The following SOHLH2 variants were observed in gnomAD, a reference collection of about 807,000 sequenced individuals.
The protein encoded by SOHLH2 is spermatogenesis and oogenesis specific basic helix-loop-helix 2, also known as spermatogenesis- and oogenesis-specific basic helix-loop-helix-containing protein 2.
In SOHLH2, 22 loss-of-function variants were observed where a neutral mutation model predicts 50.4. That is an observed-to-expected ratio of 0.44 (90% CI 0.31 to 0.62). The LOEUF (loss-of-function observed/expected upper bound fraction) is 0.62. Among genes scored for constraint, SOHLH2 ranks in the 20% least tolerant of loss-of-function variants. SOHLH2 has a pLI of 0.08. For synonymous variants in SOHLH2, 185 were observed against 187.3 expected, an observed-to-expected ratio of 0.99 and a Z score of 0.10; for missense variants, 412 against 504.4, an observed-to-expected ratio of 0.82 and a Z score of 1.76.
rs535101816 is a variant in SOHLH2 at position 36,168,846 on chromosome 13, G to T, written c.*188C>A. On this transcript the variant is annotated 3_prime_UTR_variant, in exon 11 of 11. Transcript: ENST00000379881. ...GAAGATGAGTGACAGTGTGTGGCCA[G>T]CTTTTTCGCTGCTGGTCTTTCTATC... 8.5e-5 allele frequency: 83 copies of T among 980,560 alleles called. No homozygotes were observed. The South Asian group carries it at 2.1e-3, about 24-fold the overall frequency. The allele number at this position is 980,560 out of a possible 1,614,324, so 60.7% of individuals were successfully genotyped here. A position where few individuals can be genotyped will look rare whatever the true frequency, so the allele number is the denominator to read the frequency against.
intron 6 of SOHLH2, among the ~76,000 whole-genome samples, chr13:36,185,988 TTA>T (rs1170872946): frequency 7.9e-5 from 12 of 152,232 alleles, no homozygotes; most frequent in African/African-American, 2.7e-4. Flanking sequence ...CCATTTCATT[TTA>T]TATGACCAGT....
chr13:36,184,040 C>A (rs79033537), intron 6 of SOHLH2, among the ~76,000 whole-genome samples: 1 of 152,072 alleles, frequency 6.6e-6, no homozygotes, highest in South Asian at 2.1e-4. Context: ...TACTACACCC[C>A]CCAAACAGAA....
intron 2 of SOHLH2, among the ~76,000 whole-genome samples, chr13:36,199,634 T>A (rs1405580601): frequency 6.6e-6 from 1 of 152,264 alleles, no homozygotes; most frequent in Non-Finnish European, 1.5e-5. Context: ...TACCTTCATC[T>A]ACTTTCTTTT....
chr13:36,191,239 G>A (rs566209907), intron 5 of SOHLH2, among the ~76,000 whole-genome samples: 1 of 152,130 alleles, frequency 6.6e-6, no homozygotes, highest in Non-Finnish European at 1.5e-5. Flanking sequence ...AACACAAGGA[G>A]ACACAGAGAC....
In SOHLH2 at chr13:36,191,237, G is replaced by C. The variant is rs547744981; in HGVS notation, c.530+558C>G. Reference sequence around the variant, plus strand: ...AGAGAGAGAGACAGAGAAACACAAGGAGACACAGAGACACACACTAAAACT... The same window carrying C: ...AGAGAGAGAGACAGAGAAACACAAGCAGACACAGAGACACACACTAAAACT... On this transcript the variant is annotated intron_variant, in intron 5 of 10. Transcript: ENST00000379881. 1.4e-3 allele frequency among the ~76,000 whole-genome samples: 208 copies of C among 152,200 alleles called. 1 individual carries two copies. The highest frequency in any genetic ancestry group is 4.6e-3 in the African/African-American group (193 of 41,522).
At chr13:36,203,082 T>A (rs770152083) in intron 1 of SOHLH2, among the ~76,000 whole-genome samples, 31 of 152,232 alleles carry the variant, frequency 2.0e-4, no homozygotes, top group African/African-American at 6.5e-4. Flanking sequence ...TCCTTTTTTT[T>A]ATAAAATAGT....
At chr13:36,197,495 C>A (rs1330095631) in intron 2 of SOHLH2, among the ~76,000 whole-genome samples, 2 of 152,156 alleles carry the variant, frequency 1.3e-5, no homozygotes, top group Admixed American at 6.5e-5. Context: ...AATCTATCAT[C>A]TAAGAGGGCC....
intron 2 of SOHLH2, among the ~76,000 whole-genome samples, chr13:36,198,439 T>A (rs933953717): frequency 6.6e-6 from 1 of 152,196 alleles, no homozygotes. Flanking sequence ...ATTCTGGAGC[T>A]AAGCATACGA....
intron 6 of SOHLH2, chr13:36,182,802 T>G (rs1887294198): frequency 6.6e-6 from 1 of 152,254 alleles, no homozygotes; most frequent in Non-Finnish European, 1.5e-5. Context: ...TTCAGAGTAA[T>G]CTGTTGTACA....
In SOHLH2 at chr13:36,170,603, C is replaced by T. The variant is rs376469701; in HGVS notation, c.1185G>A (p.Pro395=). The change falls in exon 10 of 11, where the codon CCG becomes CCA. Residue 395 remains proline, a synonymous_variant. Coordinates refer to ENST00000379881, the MANE Select transcript of SOHLH2 (RefSeq NM_017826.3). ...ISIHLPSAMP[P]VSKLLPRHCT... is the part of the protein sequence containing the mutation. ...AGTGCCGAGGGAGAAGCTTTGAGAC[C>T]GGGGGCATGGCTGAAGGTAAATGAA... is the stretch of plus-strand genomic sequence containing the variant. The T allele has an allele frequency of 1.7e-5, 27 of 1,613,970 alleles. No homozygotes were observed. The highest frequency in any genetic ancestry group is 1.6e-4 in the Middle Eastern group (1 of 6,080).
intron 2 of SOHLH2, among the ~76,000 whole-genome samples, chr13:36,196,860 C>T (rs1174121638): frequency 6.6e-6 from 1 of 152,100 alleles, no homozygotes; most frequent in Non-Finnish European, 1.5e-5. Context: ...ACACACACTC[C>T]CCCTGCTATA....
In SOHLH2 at chr13:36,202,058, A is replaced by C. The variant is rs751802685; in HGVS notation, c.84T>G (p.Thr28=). 6.2e-7 allele frequency: 1 copy of C among 1,614,262 alleles called. No homozygotes were observed. ...KIDILLVGDV[T]VGYLADTVQK... ...GTACAGTATCAGCCAGGTAGCCCACAGTGACATCTCCAACTAATAAGATGT... is the reference window on the plus strand; with the variant it reads ...GTACAGTATCAGCCAGGTAGCCCACCGTGACATCTCCAACTAATAAGATGT... Residue 28 remains threonine, a synonymous_variant, in exon 2 of 11, where the codon ACT becomes ACG. Transcript: ENST00000379881.
chr13:36,210,760 A>G (rs1194363408), intron 1 of SOHLH2, among the ~76,000 whole-genome samples: 1 of 152,164 alleles, frequency 6.6e-6, no homozygotes. Flanking sequence ...AACCTACTTC[A>G]AACTTATTTC....
At chr13:36,180,017 C>G (rs1451383251) in intron 6 of SOHLH2, among the ~76,000 whole-genome samples, 1 of 152,070 alleles carries the variant, frequency 6.6e-6, no homozygotes, top group African/African-American at 2.4e-5. Context: ...ATTGGTAAAA[C>G]CACCTGAGTG....
rs573797228 is a variant in SOHLH2 at position 36,205,873 on chromosome 13, T to A, written c.49-3780A>T. On this transcript the variant is annotated intron_variant, in intron 1 of 10. Transcript: ENST00000379881. ...TGGATCTTACATTTCATTTTATAGT[T>A]CCTTATTGATTAATGGTAAATTGAA... is the stretch of plus-strand genomic sequence containing the variant. Among the ~76,000 whole-genome samples the A allele has an allele frequency of 1.5e-4, 23 of 152,178 alleles. No individual in the cohort carries two copies. In the South Asian group the frequency reaches 4.6e-3, roughly 30 times the overall value.
rs904564190 is a variant in SOHLH2 at position 36,214,530 on chromosome 13, C to G, written c.-4G>C. ...GGCAGATAATTGAGGAAGCCATGGC[C>G]GCTGCGCACGTGCTGGGTCCTGGGG... is the stretch of plus-strand genomic sequence containing the variant. On this transcript the variant is annotated 5_prime_UTR_variant, in exon 1 of 11. Coordinates refer to ENST00000379881, the MANE Select transcript of SOHLH2 (RefSeq NM_017826.3). 1 of 1,611,050 alleles carries G rather than the reference C, an allele frequency of 6.2e-7. No homozygotes were observed. The highest frequency in any genetic ancestry group is 8.5e-7 in the Non-Finnish European group (1 of 1,178,974).
chr13:36,188,303 T>C (rs1887482269), intron 6 of SOHLH2, among the ~76,000 whole-genome samples: 1 of 152,222 alleles, frequency 6.6e-6, no homozygotes, highest in African/African-American at 2.4e-5. Flanking sequence ...GTAAATCTTG[T>C]TTTAATTTTT....
intron 6 of SOHLH2, 51 bp from the exon 7 acceptor site, chr13:36,174,920 T>C (rs1303497846): frequency 6.6e-6 from 10 of 1,526,336 alleles, no homozygotes; most frequent in African/African-American, 1.4e-5. Context: ...ATTGTCTTCA[T>C]TGTACCCAAA....
intron 2 of SOHLH2, among the ~76,000 whole-genome samples, chr13:36,197,785 C>T (rs1296510300): frequency 6.6e-6 from 1 of 152,170 alleles, no homozygotes; most frequent in Non-Finnish European, 1.5e-5. Flanking sequence ...TGTTCCCACT[C>T]GGCTCTCCCA....
Sources: allele counts gnomAD v4.1 joint callset (sites outside exome capture counted in the v4.1 genomes callset), GRCh38; gene constraint gnomAD v4.1.1; transcripts MANE v1.5; gene names NCBI Gene and HGNC (gene_info 2026-07-23, HGNC 2026-07-21).